The following GRIK2 variants were observed in gnomAD, a reference collection of about 807,000 sequenced individuals.
The protein encoded by GRIK2 is glutamate ionotropic receptor kainate type subunit 2, also known as glutamate receptor ionotropic, kainate 2.
Under a neutral mutation model 100.3 loss-of-function variants are expected in GRIK2, and 32 were observed. The ratio of observed to expected loss-of-function variants is 0.32; its 90% CI spans 0.24 to 0.43. The LOEUF (loss-of-function observed/expected upper bound fraction) is 0.43, where lower values mean the gene tolerates loss of function less well. GRIK2 is among the 20% of genes least tolerant of loss of function. The pLI is 1.00. For missense variants in GRIK2, 843 were observed against 1,114.9 expected, an observed-to-expected ratio of 0.76 and a Z score of 3.47; for synonymous variants, 417 against 389.4, an observed-to-expected ratio of 1.07 and a Z score of -0.83.
intron 2 of GRIK2, among the ~76,000 whole-genome samples, chr6:101,609,822 T>C (rs1336454628): frequency 6.6e-6 from 1 of 151,484 alleles, no homozygotes. Context: ...TCAGAAGTAG[T>C]AGAAAAAAGG....
At chr6:101,689,438 G>A (rs190516146) in intron 7 of GRIK2, among the ~76,000 whole-genome samples, 16 of 152,132 alleles carry the variant, frequency 1.1e-4, no homozygotes, top group African/African-American at 3.9e-4. Context: ...ACAGTAAATT[G>A]GATTCATAAG....
chr6:101,696,113 G>A lies in GRIK2; in HGVS notation c.951+9760G>A, dbSNP rs770742893. ...AAATATTAAAAAACAAATGACACAC[G>A]TAACTGTAGATTGCATCAATTTTAG... On this transcript the variant is annotated intron_variant, in intron 7 of 16. Coordinates refer to ENST00000369134, the MANE Select transcript of GRIK2 (RefSeq NM_021956.5). Among the ~76,000 whole-genome samples, 51 of 151,940 alleles carry A rather than the reference G, an allele frequency of 3.4e-4. No individual in the cohort carries two copies. In the Middle Eastern group the frequency reaches 0.01, roughly 30 times the overall value.
intron 7 of GRIK2, among the ~76,000 whole-genome samples, chr6:101,791,908 A>G (rs1267915387): frequency 1.3e-5 from 2 of 151,948 alleles, no homozygotes; most frequent in Non-Finnish European, 1.5e-5. Context: ...GGGTGCATAT[A>G]TATTTAGGAT....
chr6:101,976,405 T>G (rs948294313), intron 14 of GRIK2, among the ~76,000 whole-genome samples: 1 of 151,882 alleles, frequency 6.6e-6, no homozygotes, highest in African/African-American at 2.4e-5. Context: ...CAGTTTAAAG[T>G]GTTCTGTGCA....
intron 7 of GRIK2, among the ~76,000 whole-genome samples, chr6:101,795,055 C>T (rs949607953): frequency 6.6e-6 from 1 of 151,830 alleles, no homozygotes; most frequent in Non-Finnish European, 1.5e-5. Flanking sequence ...TTAGTAGAGA[C>T]CAGGTTTCAT....
intron 7 of GRIK2, among the ~76,000 whole-genome samples, chr6:101,764,230 A>G (rs758740115): frequency 6.6e-6 from 1 of 152,010 alleles, no homozygotes; most frequent in Non-Finnish European, 1.5e-5. Context: ...ATGATTTCCA[A>G]ATTTATAACC....
intron 4 of GRIK2, among the ~76,000 whole-genome samples, chr6:101,632,968 C>A (rs560851268): frequency 2.5e-4 from 38 of 152,214 alleles, no homozygotes; most frequent in Admixed American, 2.4e-3. Context: ...GGAGAAGAGT[C>A]TACAGTGTGC....
chr6:101,706,743 T>C (rs1268501606), intron 7 of GRIK2, among the ~76,000 whole-genome samples: 2 of 151,836 alleles, frequency 1.3e-5, no homozygotes, highest in South Asian at 2.1e-4. Flanking sequence ...CAGCTTTTCA[T>C]TAGAGGAATT....
intron 7 of GRIK2, among the ~76,000 whole-genome samples, chr6:101,749,970 G>A (rs1000963615): frequency 6.6e-6 from 1 of 151,736 alleles, no homozygotes; most frequent in African/African-American, 2.4e-5. Context: ...TCGCCACCAT[G>A]CCTGGCTAAT....
intron 4 of GRIK2, among the ~76,000 whole-genome samples, chr6:101,670,044 A>G (rs1050332000): frequency 6.6e-6 from 1 of 152,094 alleles, no homozygotes; most frequent in Non-Finnish European, 1.5e-5. Context: ...TCTGTATTTA[A>G]ACTGTTCTCT....
At chr6:101,648,952 A>G (rs1457741153) in intron 4 of GRIK2, among the ~76,000 whole-genome samples, 1 of 152,106 alleles carries the variant, frequency 6.6e-6, no homozygotes, top group Non-Finnish European at 1.5e-5. Flanking sequence ...TCCTATTTAT[A>G]AAACCATCTG....
At chr6:102,033,970 T>C (rs1471793378) in intron 14 of GRIK2, among the ~76,000 whole-genome samples, 1 of 151,424 alleles carries the variant, frequency 6.6e-6, no homozygotes, top group East Asian at 1.9e-4. Flanking sequence ...AAAAAATGTT[T>C]GATGTGTTTA....
chr6:101,664,384 A>G (rs1047436948), intron 4 of GRIK2, among the ~76,000 whole-genome samples: 1 of 152,232 alleles, frequency 6.6e-6, no homozygotes, highest in Non-Finnish European at 1.5e-5. Flanking sequence ...ATCAGTCGCT[A>G]ATGTGCTTAT....
intron 2 of GRIK2, among the ~76,000 whole-genome samples, chr6:101,563,829 T>C (rs1256255497): frequency 1.3e-5 from 2 of 152,160 alleles, no homozygotes; most frequent in Admixed American, 6.5e-5. Context: ...CCATTATCCT[T>C]GTCTTTCTGA....
intron 16 of GRIK2, among the ~76,000 whole-genome samples, chr6:102,058,077 T>G (rs1771551932): frequency 6.6e-6 from 1 of 151,870 alleles, no homozygotes; most frequent in South Asian, 2.1e-4. Context: ...TAAAAACATG[T>G]ATCTCCTTTT....
intron 11 of GRIK2, among the ~76,000 whole-genome samples, chr6:101,867,191 C>A (rs751263883): frequency 2.0e-4 from 30 of 151,996 alleles, no homozygotes; most frequent in Non-Finnish European, 4.0e-4. Context: ...CTTTCTGAAG[C>A]AGTACCTCCC....
intron 2 of GRIK2, among the ~76,000 whole-genome samples, chr6:101,476,612 G>T (rs552052792): frequency 1.3e-5 from 2 of 152,092 alleles, no homozygotes; most frequent in Non-Finnish European, 2.9e-5. Context: ...TCATTAAAAA[G>T]CTTGGCACGT....
chr6:101,722,466 AT>A (rs1774553645), intron 7 of GRIK2, among the ~76,000 whole-genome samples: 2 of 152,052 alleles, frequency 1.3e-5, no homozygotes. Context: ...GTCTTTCACA[AT>A]TTTTACTACT....
intron 12 of GRIK2, among the ~76,000 whole-genome samples, chr6:101,913,973 G>C (rs1340283): frequency 5.3e-5 from 8 of 151,364 alleles, no homozygotes; most frequent in African/African-American, 1.7e-4. Flanking sequence ...TGAATAAAAA[G>C]TATTAAAGTT....
Sources: allele counts gnomAD v4.1 joint callset (sites outside exome capture counted in the v4.1 genomes callset), GRCh38; gene constraint gnomAD v4.1.1; transcripts MANE v1.5; gene names NCBI Gene and HGNC (gene_info 2026-07-23, HGNC 2026-07-21).